HAT1: variants seen among roughly 807,000 people sequenced by gnomAD.
HAT1 encodes the protein histone acetyltransferase 1, also known as histone acetyltransferase type B catalytic subunit.
Under a neutral mutation model 56.6 loss-of-function variants are expected in HAT1, and 20 were observed. The observed-to-expected ratio is 0.35, with a 90% confidence interval of 0.25 to 0.51. HAT1 has a LOEUF of 0.51. Ranked by LOEUF, HAT1 falls within the 20% of genes least tolerant of loss-of-function variation. The pLI, the probability that HAT1 is intolerant of heterozygous loss-of-function variation, is 0.95. For synonymous variants in HAT1, 146 were observed against 165.5 expected, an observed-to-expected ratio of 0.88 and a Z score of 0.91; for missense variants, 408 against 504.3, an observed-to-expected ratio of 0.81 and a Z score of 1.83.
At chr2:171,972,015 G>T (rs552048922) in intron 8 of HAT1, among the ~76,000 whole-genome samples, 1 of 152,278 alleles carries the variant, frequency 6.6e-6, no homozygotes, top group Non-Finnish European at 1.5e-5. Context: ...CATAGGGGCT[G>T]CATGTTGCAA....
At chr2:171,930,247 A>G (rs890697965) in intron 2 of HAT1, among the ~76,000 whole-genome samples, 2 of 152,140 alleles carry the variant, frequency 1.3e-5, no homozygotes, top group Non-Finnish European at 2.9e-5. Context: ...ATCTCCACTC[A>G]CTGCAACCTC....
chr2:171,956,917 C>T (rs980772199), intron 4 of HAT1, among the ~76,000 whole-genome samples: 4 of 152,198 alleles, frequency 2.6e-5, no homozygotes, highest in South Asian at 4.1e-4. Context: ...GAGAGAAAGC[C>T]GTGAGTGTGA....
chr2:171,972,705 C>T (rs1336705848), intron 8 of HAT1, among the ~76,000 whole-genome samples: 1 of 152,256 alleles, frequency 6.6e-6, no homozygotes, highest in Non-Finnish European at 1.5e-5. Flanking sequence ...CAGCATGGCC[C>T]AGTTCCTGGT....
intron 4 of HAT1, among the ~76,000 whole-genome samples, chr2:171,962,843 A>G (rs1192420096): frequency 6.6e-6 from 1 of 152,212 alleles, no homozygotes; most frequent in East Asian, 1.9e-4. Context: ...GATCTTCAGA[A>G]ATAGATTCTA....
intron 6 of HAT1, chr2:171,966,183 T>G (rs1001408523): frequency 3.3e-6 from 2 of 612,524 alleles, no homozygotes; most frequent in African/African-American, 3.7e-5. Context: ...TATTCATCTT[T>G]ATAATAGGCA....
chr2:171,973,666 C>T (rs1687873739), intron 8 of HAT1, among the ~76,000 whole-genome samples: 1 of 152,146 alleles, frequency 6.6e-6, no homozygotes. Context: ...CTCATAGGAG[C>T]ACAAACCCTA....
At chr2:171,930,054 T>G (rs905898825) in intron 2 of HAT1, among the ~76,000 whole-genome samples, 1 of 152,262 alleles carries the variant, frequency 6.6e-6, no homozygotes, top group African/African-American at 2.4e-5. Flanking sequence ...GAACATGATG[T>G]ATTTCTGTAT....
intron 7 of HAT1, 89 bp downstream of exon 7, chr2:171,966,602 T>C (rs1022803422): frequency 4.1e-6 from 3 of 736,324 alleles, no homozygotes; most frequent in Non-Finnish European, 7.4e-6. Flanking sequence ...AGTGTTGATT[T>C]GTTTAAAAAA....
In HAT1 at chr2:171,960,522, ATTAATTT is replaced by A. The variant is rs1434513025; in HGVS notation, c.310-4810_310-4804del. On this transcript the variant is annotated intron_variant, in intron 4 of 10. Transcript: ENST00000264108. Reference sequence around the variant, plus strand: ...TTTCTTATTAGGATTATGTCATTACATTAATTTTTAATCATCCATTCTTTTACTTTTC... The same window carrying A: ...TTTCTTATTAGGATTATGTCATTACATTAATCATCCATTCTTTTACTTTTC... Among the ~76,000 whole-genome samples the A allele has an allele frequency of 2.6e-5, 4 of 152,204 alleles. No individual in the cohort carries two copies. In the East Asian group the frequency reaches 7.7e-4, roughly 29 times the overall value.
chr2:171,936,242 T>G (rs923166132), intron 2 of HAT1, among the ~76,000 whole-genome samples: 1 of 152,148 alleles, frequency 6.6e-6, no homozygotes, highest in African/African-American at 2.4e-5. Context: ...GGTTTATTCT[T>G]AGTGTGTGGG....
At chr2:171,927,362 G>T (rs1368570377) in intron 2 of HAT1, among the ~76,000 whole-genome samples, 2 of 152,206 alleles carry the variant, frequency 1.3e-5, no homozygotes, top group African/African-American at 4.8e-5. Context: ...TATCAGTAAA[G>T]TGTTTAAACT....
Position 171,982,736 on chromosome 2 carries a change from T to G in HAT1, c.1093-449T>G, listed in dbSNP as rs374649498. 5.9e-5 allele frequency among the ~76,000 whole-genome samples: 9 copies of G among 152,340 alleles called. No homozygotes were observed. In the South Asian group the frequency reaches 1.7e-3, roughly 28 times the overall value. On this transcript the variant is annotated intron_variant, in intron 10 of 10. Transcript: ENST00000264108. The stretch of plus-strand genomic sequence containing the variant: ...CATTTCTAACAGTTTATGTTAAAAT[T>G]AGCATGTGGCCCGTAAGTACTTCAC...
At chr2:171,971,701 TTTTA>T (rs1242775976) in intron 8 of HAT1, among the ~76,000 whole-genome samples, 2 of 152,318 alleles carry the variant, frequency 1.3e-5, no homozygotes, top group Non-Finnish European at 2.9e-5. Flanking sequence ...GCTTTATATT[TTTTA>T]TTTATTTATT....
At chr2:171,947,395 A>G (rs1687194233) in intron 3 of HAT1, among the ~76,000 whole-genome samples, 1 of 151,850 alleles carries the variant, frequency 6.6e-6, no homozygotes, top group Non-Finnish European at 1.5e-5. Context: ...CTGGGACTAC[A>G]GGCACACACC....
At chr2:171,937,382 G>A (rs922085240) in intron 2 of HAT1, among the ~76,000 whole-genome samples, 1 of 152,154 alleles carries the variant, frequency 6.6e-6, no homozygotes, top group South Asian at 2.1e-4. Context: ...CTATAAAAAG[G>A]TGGTGCCACT....
chr2:171,959,784 A>G (rs1687532614), intron 4 of HAT1, among the ~76,000 whole-genome samples: 1 of 152,246 alleles, frequency 6.6e-6, no homozygotes, highest in Admixed American at 6.5e-5. Flanking sequence ...AGGAACAGTC[A>G]GTAAACAAAA....
chr2:171,983,228 C>T lies in HAT1; in HGVS notation c.1136C>T (p.Pro379Leu), dbSNP rs776271032. ...GCTAAGATGAGAAAATGTCTCAGAC[C>T]AGAAGAACTGACAAACCAGATGAAC... is the stretch of plus-strand genomic sequence containing the variant. ...DLAKMRKCLR[P>L]EELTNQMNQI... Residue 379 changes from proline (P) to leucine (L), a missense_variant, in exon 11 of 11, where the codon CCA becomes CTA. By Grantham distance (98) the Pro-to-Leu change is moderately conservative. Transcript: ENST00000264108. 3 of 1,602,458 alleles carry T rather than the reference C, an allele frequency of 1.9e-6. No homozygotes were observed. Among genetic ancestry groups the T allele is most frequent in the Non-Finnish European group, 1.7e-6 (2 of 1,172,278 alleles).
At chr2:171,970,004 T>A (rs916196481) in intron 8 of HAT1, among the ~76,000 whole-genome samples, 4 of 152,082 alleles carry the variant, frequency 2.6e-5, no homozygotes, top group Admixed American at 6.5e-5. Flanking sequence ...AAATTTTTTT[T>A]AATTAGCTGG....
chr2:171,972,954 T>C (rs1157832354), intron 8 of HAT1, among the ~76,000 whole-genome samples: 2 of 152,232 alleles, frequency 1.3e-5, no homozygotes, highest in Non-Finnish European at 2.9e-5. Context: ...CCAGATTCAG[T>C]TGTGTGACCT....
Sources: gnomAD v4.1 joint callset for allele counts (sites outside exome capture counted in the v4.1 genomes callset) on GRCh38, gnomAD v4.1.1 for gene constraint, MANE v1.5 for transcripts, NCBI Gene and HGNC (gene_info 2026-07-23, HGNC 2026-07-21) for gene names.